QTMAN: variants seen among roughly 807,000 people sequenced by gnomAD.
QTMAN encodes the protein tRNA-queuosine alpha-mannosyltransferase.
chr2:144,141,877 CT>C, the QTMAN span: 1 of 1,596,618 alleles, frequency 6.3e-7, no homozygotes, highest in Non-Finnish European at 8.6e-7. Context: ...GTCAAACATA[CT>C]GACCTGCTCA....
At chr2:144,277,817 G>T in the QTMAN span, among the ~76,000 whole-genome samples, 1 of 152,028 alleles carries the variant, frequency 6.6e-6, no homozygotes, top group South Asian at 2.1e-4. Flanking sequence ...GAAAGCTGTG[G>T]CAGATATAGA....
chr2:144,013,765 A>C, the QTMAN span, among the ~76,000 whole-genome samples: 1 of 152,206 alleles, frequency 6.6e-6, no homozygotes, highest in Admixed American at 6.5e-5. Flanking sequence ...CAGCGATCTA[A>C]GGCCTTGGGT....
the QTMAN span, among the ~76,000 whole-genome samples, chr2:143,955,199 G>GA: frequency 4.0e-5 from 6 of 151,482 alleles, no homozygotes; most frequent in African/African-American, 9.7e-5. Flanking sequence ...GATGCAAGGA[G>GA]AAAAAAAATC....
At chr2:143,940,350 A>G in the QTMAN span, 1 of 152,362 alleles carries the variant, frequency 6.6e-6, no homozygotes, top group South Asian at 2.1e-4. Context: ...TAAGTGCAAG[A>G]TGTAATATAC....
the QTMAN span, among the ~76,000 whole-genome samples, chr2:144,162,101 G>A: frequency 2.0e-5 from 3 of 152,166 alleles, no homozygotes; most frequent in Admixed American, 1.3e-4. Flanking sequence ...AAAAATCAGT[G>A]AGTGAATTTA....
the QTMAN span, among the ~76,000 whole-genome samples, chr2:144,180,728 G>A: frequency 1.3e-5 from 2 of 152,124 alleles, no homozygotes; most frequent in Non-Finnish European, 2.9e-5. Flanking sequence ...ATTGGCCAAT[G>A]ACTAGTATGG....
the QTMAN span, among the ~76,000 whole-genome samples, chr2:143,965,308 G>T: frequency 6.6e-6 from 1 of 152,108 alleles, no homozygotes; most frequent in African/African-American, 2.4e-5. Flanking sequence ...CTCATTCCAT[G>T]TACAAACTCT....
the QTMAN span, among the ~76,000 whole-genome samples, chr2:144,155,770 C>G: frequency 6.6e-6 from 1 of 152,216 alleles, no homozygotes; most frequent in East Asian, 1.9e-4. Flanking sequence ...AAACCACAGG[C>G]AAGTACAGAG....
At chr2:144,161,726 A>C in the QTMAN span, among the ~76,000 whole-genome samples, 2 of 152,208 alleles carry the variant, frequency 1.3e-5, no homozygotes, top group East Asian at 3.8e-4. Flanking sequence ...AACAGTAATC[A>C]CTATAAGATT....
chr2:144,278,977 T>C, the QTMAN span, among the ~76,000 whole-genome samples: 1 of 152,178 alleles, frequency 6.6e-6, no homozygotes, highest in Admixed American at 6.6e-5. Context: ...TAGGTGCTGC[T>C]TTCATTTTAC....
chr2:144,097,175 A>T, the QTMAN span, among the ~76,000 whole-genome samples: 1 of 152,226 alleles, frequency 6.6e-6, no homozygotes, highest in Non-Finnish European at 1.5e-5. Context: ...TCCTAATTCT[A>T]TGCTCACAGG....
At chr2:144,040,091 T>C in the QTMAN span, among the ~76,000 whole-genome samples, 7 of 152,208 alleles carry the variant, frequency 4.6e-5, no homozygotes, top group African/African-American at 1.2e-4. Context: ...TTGACTGTCT[T>C]TTTCTTTAAA....
chr2:144,064,957 G>C, the QTMAN span, among the ~76,000 whole-genome samples: 184 of 152,232 alleles, frequency 1.2e-3, no homozygotes, highest in African/African-American at 4.3e-3. Flanking sequence ...GGAGAGGGGG[G>C]CAGAGTCCAG....
chr2:144,283,540 A>T, the QTMAN span, among the ~76,000 whole-genome samples: 2 of 152,222 alleles, frequency 1.3e-5, no homozygotes, highest in Non-Finnish European at 2.9e-5. Context: ...AAAAAATTTT[A>T]AAGGGAAATA....
At chr2:144,256,696 A>G in the QTMAN span, among the ~76,000 whole-genome samples, 33 of 152,012 alleles carry the variant, frequency 2.2e-4, no homozygotes, top group African/African-American at 7.5e-4. Context: ...ACAGGGGCCC[A>G]TCGGCGGGTG....
chr2:144,030,966 G>T, the QTMAN span, among the ~76,000 whole-genome samples: 1 of 152,154 alleles, frequency 6.6e-6, no homozygotes, highest in Non-Finnish European at 1.5e-5. Flanking sequence ...CATGAATCTT[G>T]GTGTGAGATG....
the QTMAN span, among the ~76,000 whole-genome samples, chr2:144,000,657 T>G: frequency 6.6e-6 from 1 of 151,996 alleles, no homozygotes; most frequent in Non-Finnish European, 1.5e-5. Flanking sequence ...TGAAAACGAA[T>G]AGTGCTAATG....
chr2:144,055,244 C>T, the QTMAN span, among the ~76,000 whole-genome samples: 1 of 151,668 alleles, frequency 6.6e-6, no homozygotes, highest in African/African-American at 2.4e-5. Context: ...TAATGGATTA[C>T]TTTTTGTCCT....
chr2:144,119,654 G>A, the QTMAN span, among the ~76,000 whole-genome samples: 1 of 152,178 alleles, frequency 6.6e-6, no homozygotes, highest in African/African-American at 2.4e-5. Flanking sequence ...AGGTGCTTAG[G>A]ATTTCTACAC....
Sources: gnomAD v4.1 joint callset for allele counts (sites outside exome capture counted in the v4.1 genomes callset) on GRCh38, gnomAD v4.1.1 for gene constraint, MANE v1.5 for transcripts, NCBI Gene and HGNC (gene_info 2026-07-23, HGNC 2026-07-21) for gene names.